ROR2: variants seen among roughly 807,000 people sequenced by gnomAD.
ROR2 encodes the protein ROR family WNT receptor 2, also known as tyrosine-protein kinase transmembrane receptor ROR2.
A neutral mutation model predicts 74.9 loss-of-function variants in ROR2; 33 were observed. That is an observed-to-expected ratio of 0.44 (90% confidence interval 0.33 to 0.59). ROR2 has a LOEUF of 0.59. Ranked by LOEUF, ROR2 falls within the 20% of genes least tolerant of loss-of-function variation. ROR2 has a pLI of 0.02. For synonymous variants in ROR2, 586 were observed against 558.7 expected (o/e 1.05, Z -0.69); for missense variants, 1,216 against 1,313.8 (o/e 0.93, Z 1.15).
chr9:91,862,465 C>G (rs888919796), intron 1 of ROR2, among the ~76,000 whole-genome samples: 4 of 152,012 alleles, frequency 2.6e-5, no homozygotes, highest in African/African-American at 9.7e-5. Context: ...CAGAAACAGC[C>G]TCGTCAACAC....
intron 1 of ROR2, among the ~76,000 whole-genome samples, chr9:91,875,594 T>C (rs1425107057): frequency 6.6e-6 from 1 of 151,916 alleles, no homozygotes; most frequent in Admixed American, 6.6e-5. Context: ...ACAGAGAACA[T>C]GAGAAAGGTC....
chr9:91,927,281 G>A (rs1831429511), intron 1 of ROR2, among the ~76,000 whole-genome samples: 2 of 152,296 alleles, frequency 1.3e-5, no homozygotes, highest in African/African-American at 2.4e-5. Context: ...GGTGGTCACC[G>A]CCCTCAGCGG....
chr9:91,837,698 AAGG>A (rs954459491), intron 1 of ROR2, among the ~76,000 whole-genome samples: 5 of 152,252 alleles, frequency 3.3e-5, no homozygotes, highest in African/African-American at 7.2e-5. Flanking sequence ...CGTGTTTTAA[AAGG>A]AGAAGACAAA....
At chr9:91,752,815 A>T (rs1452389998) in intron 4 of ROR2, among the ~76,000 whole-genome samples, 1 of 152,242 alleles carries the variant, frequency 6.6e-6, no homozygotes. Flanking sequence ...GGGTAAATGT[A>T]CAAGTATCTG....
intron 1 of ROR2, among the ~76,000 whole-genome samples, chr9:91,831,024 G>A (rs868012427): frequency 7.9e-5 from 12 of 152,100 alleles, no homozygotes; most frequent in African/African-American, 2.9e-4. Context: ...CACTTTGGGA[G>A]GCTGAGACAG....
Position 91,905,296 on chromosome 9 carries a change from C to T in ROR2, c.97+44571G>A, listed in dbSNP as rs1048630129. 1.1e-4 allele frequency among the ~76,000 whole-genome samples: 16 copies of T among 151,314 alleles called. No homozygotes were observed. The highest frequency in any genetic ancestry group is 3.9e-4 in the African/African-American group (16 of 41,220). ...CACAAATTCAGCACACACAATACCA[C>T]ACACCAGACACACCACACACATACA... is the stretch of plus-strand genomic sequence containing the variant. On this transcript the variant is annotated intron_variant, in intron 1 of 8. Coordinates refer to ENST00000375708, the MANE Select transcript of ROR2 (RefSeq NM_004560.4). This position sits in a 1 kb window ranked among gnomAD's most constrained non-coding sequence, Gnocchi z 5.3.
intron 1 of ROR2, among the ~76,000 whole-genome samples, chr9:91,800,070 A>G (rs1486808867): frequency 6.6e-6 from 1 of 152,188 alleles, no homozygotes; most frequent in African/African-American, 2.4e-5. Flanking sequence ...GGCCCGGTGC[A>G]GTGGCTCATG....
chr9:91,943,140 C>T (rs1793611867), intron 1 of ROR2, among the ~76,000 whole-genome samples: 1 of 152,170 alleles, frequency 6.6e-6, no homozygotes, highest in African/African-American at 2.4e-5. Context: ...GCCATGCCCC[C>T]ACCACTTTTC....
intron 1 of ROR2, among the ~76,000 whole-genome samples, chr9:91,937,978 G>A (rs779401473): frequency 1.8e-4 from 28 of 152,052 alleles, no homozygotes; most frequent in Non-Finnish European, 2.6e-4. Context: ...TCAGCCTCCC[G>A]AAGTGCTGGG....
Position 91,881,065 on chromosome 9 carries a change from T to C in ROR2, c.97+68802A>G, listed in dbSNP as rs368757422. Among the ~76,000 whole-genome samples, 14 of 152,326 alleles carry C rather than the reference T, an allele frequency of 9.2e-5. No homozygotes were observed. In the East Asian group the frequency reaches 2.3e-3, roughly 25 times the overall value. The stretch of plus-strand genomic sequence containing the variant: ...ATGGGACATCTTGCCAGCCGCTTAC[T>C]TTCAGATGGCTAGAGGGGGGAGAAG... On this transcript the variant is annotated intron_variant, in intron 1 of 8. Transcript: ENST00000375708.
chr9:91,853,611 T>A (rs1466044940), intron 1 of ROR2, among the ~76,000 whole-genome samples: 1 of 152,074 alleles, frequency 6.6e-6, no homozygotes, highest in Non-Finnish European at 1.5e-5. Context: ...CAGGCAGTGC[T>A]CCTGAGACCA....
chr9:91,937,748 G>A (rs1831740183), intron 1 of ROR2, among the ~76,000 whole-genome samples: 1 of 152,102 alleles, frequency 6.6e-6, no homozygotes, highest in Non-Finnish European at 1.5e-5. Context: ...ACTGAGTTTT[G>A]CTCTGTCACC....
intron 2 of ROR2, among the ~76,000 whole-genome samples, chr9:91,767,034 C>G (rs1826078582): frequency 6.6e-6 from 1 of 152,204 alleles, no homozygotes; most frequent in African/African-American, 2.4e-5. Flanking sequence ...CAGAGGAATC[C>G]CCTCACTGCT....
intron 1 of ROR2, among the ~76,000 whole-genome samples, chr9:91,909,842 GTTTTGTTT>G (rs1830915198): frequency 3.9e-4 from 22 of 55,972 alleles, no homozygotes; most frequent in Non-Finnish European, 6.3e-4. Context: ...TTTTAGGTTT[GTTTTGTTT>G]TTTTTTTTTT....
At chr9:91,933,366 TACTC>T (rs1831600780) in intron 1 of ROR2, among the ~76,000 whole-genome samples, 2 of 151,664 alleles carry the variant, frequency 1.3e-5, no homozygotes, top group South Asian at 4.2e-4. Flanking sequence ...GCTCTACAGA[TACTC>T]ACAGAGTTAA....
At chr9:91,928,075 C>G (rs1431666732) in intron 1 of ROR2, among the ~76,000 whole-genome samples, 1 of 152,134 alleles carries the variant, frequency 6.6e-6, no homozygotes, top group East Asian at 1.9e-4. Flanking sequence ...AGCCCCACTT[C>G]CCGCCACCTC....
chr9:91,785,341 G>A (rs1306676755), intron 1 of ROR2, among the ~76,000 whole-genome samples: 2 of 152,190 alleles, frequency 1.3e-5, no homozygotes, highest in Non-Finnish European at 2.9e-5. Context: ...GGCCTCCCCT[G>A]GACAACCTGA....
chr9:91,737,535 A>AC lies in ROR2; in HGVS notation c.495-18_495-17insG. 6.2e-7 allele frequency: 1 copy of AC among 1,614,144 alleles called. No individual in the cohort carries two copies. On this transcript the variant is annotated splice_polypyrimidine_tract_variant and intron_variant, in intron 4 of 8. Coordinates refer to ENST00000375708, the MANE Select transcript of ROR2 (RefSeq NM_004560.4). ...TAATCATCCCTGGTAAGAAACACAC[A>AC]AAGTCTGTTAGAGCTCTGGGAGGTG...
chr9:91,730,922 C>A lies in ROR2; in HGVS notation c.1171G>T (p.Val391Leu). 6.2e-7 allele frequency: 1 copy of A among 1,614,160 alleles called. No homozygotes were observed. The highest frequency in any genetic ancestry group is 1.3e-5 in the African/African-American group (1 of 75,056). The change falls in exon 7 of 9, where the codon GTA (valine) becomes TTA (leucine). Residue 391 changes from valine to leucine, a missense_variant. Val to Leu is a conservative substitution (Grantham distance 32). Coordinates refer to ENST00000375708, the MANE Select transcript of ROR2 (RefSeq NM_004560.4). ...NKNVRMELCDVPSCSPRDSSK... is the reference protein window; with the variant it reads ...NKNVRMELCDLPSCSPRDSSK... ...AGAGAATACATACTACACGAGGGTA[C>A]GTCACACAGTTCCATGCGTACGTTT...
Sources: gnomAD v4.1 joint callset for allele counts (sites outside exome capture counted in the v4.1 genomes callset) on GRCh38, gnomAD v4.1.1 for gene constraint, Gnocchi (gnomAD v3.1) non-coding constraint, MANE v1.5 for transcripts, NCBI Gene and HGNC (gene_info 2026-07-23, HGNC 2026-07-21) for gene names.